MTUS2: variants seen among roughly 807,000 people sequenced by gnomAD.
MTUS2 encodes the protein microtubule associated scaffold protein 2.
MTUS2 carries 40 observed loss-of-function variants against 114.1 expected under a neutral mutation model. That is an observed-to-expected ratio of 0.35 (90% CI 0.27 to 0.46). The LOEUF is 0.46. MTUS2 is among the 20% of genes least tolerant of loss of function. MTUS2 has a pLI of 1.00. For synonymous variants in MTUS2, 688 were observed against 672.0 expected, an observed-to-expected ratio of 1.02 and a Z score of -0.37; for missense variants, 1,679 against 1,705.4, an observed-to-expected ratio of 0.98 and a Z score of 0.27.
intron 4 of MTUS2, among the ~76,000 whole-genome samples, chr13:29,063,624 A>G (rs1888522516): frequency 6.6e-6 from 1 of 152,178 alleles, no homozygotes; most frequent in African/African-American, 2.4e-5. Context: ...AGGATGAATC[A>G]TACCAAGTTA....
intron 8 of MTUS2, among the ~76,000 whole-genome samples, chr13:29,398,477 AAAAG>A (rs1424068608): frequency 8.4e-4 from 97 of 115,864 alleles, no homozygotes; most frequent in African/African-American, 1.7e-3. Context: ...TAAAAAAAAA[AAAAG>A]AAAGAAAAAG....
chr13:28,842,845 C>T (rs1228753397), intron 2 of MTUS2, among the ~76,000 whole-genome samples: 1 of 152,180 alleles, frequency 6.6e-6, no homozygotes, highest in African/African-American at 2.4e-5. Flanking sequence ...GTAGCAGCCA[C>T]ATACAGTGGG....
intron 9 of MTUS2, among the ~76,000 whole-genome samples, chr13:29,473,610 T>C (rs567504321): frequency 2.0e-4 from 30 of 152,292 alleles, no homozygotes; most frequent in Admixed American, 1.6e-3. Flanking sequence ...TTTAATAATA[T>C]TTTAGGTATT....
At chr13:29,430,791 T>C (rs956067062) in intron 8 of MTUS2, among the ~76,000 whole-genome samples, 4 of 152,208 alleles carry the variant, frequency 2.6e-5, no homozygotes, top group African/African-American at 9.6e-5. Flanking sequence ...TATTGTATAC[T>C]AGGAGCATGA....
At chr13:29,102,528 G>A (rs1193598804) in intron 5 of MTUS2, among the ~76,000 whole-genome samples, 2 of 152,144 alleles carry the variant, frequency 1.3e-5, no homozygotes, top group Non-Finnish European at 2.9e-5. Flanking sequence ...TGAGCACCCA[G>A]GGGATAAGAG....
chr13:29,473,258 A>AT (rs1273535021), intron 9 of MTUS2, among the ~76,000 whole-genome samples: 6 of 152,200 alleles, frequency 3.9e-5, no homozygotes, highest in Non-Finnish European at 8.8e-5. Context: ...CTTATTTAAG[A>AT]TTTTATTACG....
chr13:29,366,162 G>T (rs1010838778), intron 8 of MTUS2, among the ~76,000 whole-genome samples: 2 of 152,150 alleles, frequency 1.3e-5, no homozygotes, highest in Non-Finnish European at 2.9e-5. Context: ...ACTTGAGACT[G>T]GGCAATTTAC....
chr13:29,406,473 CT>C (rs1450684411), intron 8 of MTUS2, among the ~76,000 whole-genome samples: 4 of 152,200 alleles, frequency 2.6e-5, no homozygotes, highest in African/African-American at 9.7e-5. Flanking sequence ...ACCACAGGGG[CT>C]TTCCCTAGGG....
chr13:29,298,536 C>T (rs552410514), intron 6 of MTUS2, among the ~76,000 whole-genome samples: 2 of 152,292 alleles, frequency 1.3e-5, no homozygotes, highest in East Asian at 3.9e-4. Context: ...CAGAGCTGTT[C>T]TACCATGTTC....
intron 9 of MTUS2, among the ~76,000 whole-genome samples, chr13:29,452,570 ATATATGTGTGTGTGTGTG>A (rs59743889): frequency 0.021 from 2,717 of 131,232 alleles, 72 homozygotes; most frequent in African/African-American, 0.074. Flanking sequence ...ATATATATAT[ATATATGTGTGTGTGTGTG>A]TGTGTGTGTG....
chr13:29,095,599 C>T (rs1291311976), intron 4 of MTUS2, among the ~76,000 whole-genome samples: 1 of 151,950 alleles, frequency 6.6e-6, no homozygotes, highest in Non-Finnish European at 1.5e-5. Context: ...AACATCCATT[C>T]TCTGTATGAT....
chr13:29,071,654 C>G (rs1888944417), intron 4 of MTUS2, among the ~76,000 whole-genome samples: 1 of 151,832 alleles, frequency 6.6e-6, no homozygotes, highest in African/African-American at 2.4e-5. Context: ...TCTCGAACTC[C>G]TGACTTCATG....
At chr13:29,106,490 T>C (rs1012138557) in intron 5 of MTUS2, among the ~76,000 whole-genome samples, 2 of 152,088 alleles carry the variant, frequency 1.3e-5, no homozygotes, top group African/African-American at 4.8e-5. Flanking sequence ...TCCTGAGTAG[T>C]TGGAAATACA....
intron 12 of MTUS2, among the ~76,000 whole-genome samples, chr13:29,495,200 A>C (rs1229252584): frequency 1.3e-5 from 2 of 148,864 alleles, no homozygotes; most frequent in Non-Finnish European, 1.5e-5. Context: ...AAAAAAAAAA[A>C]AAAAAACTTA....
intron 8 of MTUS2, among the ~76,000 whole-genome samples, chr13:29,417,482 A>T (rs1875750946): frequency 6.6e-6 from 1 of 151,812 alleles, no homozygotes; most frequent in Non-Finnish European, 1.5e-5. Context: ...TTTCCCTGTG[A>T]CCTTTGGTAT....
intron 2 of MTUS2, among the ~76,000 whole-genome samples, chr13:29,008,326 G>A (rs1478431103): frequency 6.6e-6 from 1 of 152,088 alleles, no homozygotes; most frequent in African/African-American, 2.4e-5. Flanking sequence ...AAAACCCCTT[G>A]GAACACTTAA....
At chr13:28,935,006 GTTTTTTTTTTTTTTT>G (rs775863792) in intron 2 of MTUS2, among the ~76,000 whole-genome samples, 9 of 41,438 alleles carry the variant, frequency 2.2e-4, no homozygotes, top group African/African-American at 7.5e-4. Flanking sequence ...TCTCCATAGC[GTTTTTTTTTTTTTTT>G]TTTTTTTTTT....
chr13:29,117,156 A>T (rs1427820507), intron 5 of MTUS2, among the ~76,000 whole-genome samples: 1 of 152,172 alleles, frequency 6.6e-6, no homozygotes, highest in Non-Finnish European at 1.5e-5. Flanking sequence ...AGGTTCTGTG[A>T]GCAAAGAATG....
At chr13:29,018,614 G>C in intron 2 of MTUS2, among the ~76,000 whole-genome samples, 1 of 152,066 alleles carries the variant, frequency 6.6e-6, no homozygotes, top group East Asian at 1.9e-4. Flanking sequence ...ACAAAAATTA[G>C]CTGGGCGTGG....
Sources: allele counts gnomAD v4.1 joint callset (sites outside exome capture counted in the v4.1 genomes callset), GRCh38; gene constraint gnomAD v4.1.1; transcripts MANE v1.5; gene names NCBI Gene and HGNC (gene_info 2026-07-23, HGNC 2026-07-21).